The following CD22 variants were observed in gnomAD, a reference collection of about 807,000 sequenced individuals.
CD22 encodes the protein CD22 molecule, also known as B-cell receptor CD22.
In CD22, 51 loss-of-function variants were observed where a neutral mutation model predicts 94.7. The observed-to-expected ratio is 0.54, with a 90% confidence interval of 0.43 to 0.68. CD22 has a LOEUF of 0.68. CD22 is among the 30% of genes least tolerant of loss of function. The pLI is 0.00. For missense variants in CD22, 931 were observed against 1,060.4 expected (o/e 0.88, Z 1.69); for synonymous variants, 424 against 422.5 (o/e 1.00, Z -0.04).
rs1481597290 is a variant in CD22 at position 35,341,345 on chromosome 19, G to A, written c.1510G>A (p.Ala504Thr). Residue 504 changes from alanine (A) to threonine (T), a missense_variant and splice_region_variant, in exon 8 of 14, where the codon GCC becomes ACC. Ala to Thr is a moderately conservative substitution (Grantham distance 58, BLOSUM62 0). Coordinates refer to ENST00000085219, the MANE Select transcript of CD22 (RefSeq NM_001771.4). This position sits in a 1 kb window ranked among gnomAD's most constrained non-coding sequence, Gnocchi z 4.0. ...AGCTTGGGACCCTTGCCCTCCAGAT[G>A]CCCCCCGAGACGTGAGGGTCCGGAA... Reference protein sequence around the residue: ...ASPVALNVQYAPRDVRVRKIK... With the variant: ...ASPVALNVQYTPRDVRVRKIK... The A allele has an allele frequency of 3.7e-6, 6 of 1,612,710 alleles. No homozygotes were observed. The highest frequency in any genetic ancestry group is 5.1e-6 in the Non-Finnish European group (6 of 1,179,202).
chr19:35,338,924 C>T (rs1246715859), intron 6 of CD22, among the ~76,000 whole-genome samples: 1 of 151,134 alleles, frequency 6.6e-6, no homozygotes, highest in Non-Finnish European at 1.5e-5. Flanking sequence ...CCACCGCACC[C>T]GGCCTGTAGA....
Position 35,332,093 on chromosome 19 carries a change from G to A in CD22, c.34+19G>A. The A allele has an allele frequency of 6.2e-7, 1 of 1,613,994 alleles. No individual in the cohort carries two copies. Among genetic ancestry groups the A allele is most frequent in the Non-Finnish European group, 8.5e-7 (1 of 1,179,914 alleles). On this transcript the variant is annotated intron_variant, in intron 2 of 13. Transcript: ENST00000085219. ...CTCCTGGGTAAGGACTGTGGCCTGG[G>A]CTAGTACTGGGGTTCTGGGATGTCA...
At chr19:35,339,206 CT>C in intron 6 of CD22, among the ~76,000 whole-genome samples, 1 of 152,208 alleles carries the variant, frequency 6.6e-6, no homozygotes, top group African/African-American at 2.4e-5. Context: ...CTACTGCACT[CT>C]AGCCTGGGTG....
Position 35,346,786 on chromosome 19 carries a change from C to G in CD22, c.*89C>G. ...CCAGACACCGCCACATGGCTTCCTC[C>G]TGCGCGCATGTGCGCACACACACAC... On this transcript the variant is annotated 3_prime_UTR_variant, in exon 14 of 14. Transcript: ENST00000085219. The G allele has an allele frequency of 8.0e-7, 1 of 1,253,676 alleles. No homozygotes were observed. The highest frequency in any genetic ancestry group is 1.1e-6 in the Non-Finnish European group (1 of 904,224). 77.7% of individuals were successfully genotyped at this position (1,253,676 alleles called of 1,614,324 possible). A position where few individuals can be genotyped will look rare whatever the true frequency, so the allele number is the denominator to read the frequency against.
intron 3 of CD22, among the ~76,000 whole-genome samples, chr19:35,334,830 G>A (rs1001796599): frequency 6.6e-6 from 1 of 152,182 alleles, no homozygotes; most frequent in African/African-American, 2.4e-5. Flanking sequence ...TGTAATCCCA[G>A]AACTTTGGGA....
In CD22 at chr19:35,342,853, CAG is replaced by C. The variant is rs944665810; in HGVS notation, c.2035+889_2035+890del. Among the ~76,000 whole-genome samples, 13 of 152,282 alleles carry C rather than the reference CAG, an allele frequency of 8.5e-5. No homozygotes were observed. The East Asian group carries it at 2.5e-3, about 29-fold the overall frequency. Reference sequence around the variant, plus strand: ...TTAAACGGAGTCTCGATCTGTCACCCAGGCTGGAGTGCAGTGGCGTGATCACG... The same window carrying C: ...TTAAACGGAGTCTCGATCTGTCACCCGCTGGAGTGCAGTGGCGTGATCACG... On this transcript the variant is annotated intron_variant, in intron 9 of 13. Coordinates refer to ENST00000085219, the MANE Select transcript of CD22 (RefSeq NM_001771.4).
At chr19:35,339,708 T>C (rs1190068641) in intron 6 of CD22, among the ~76,000 whole-genome samples, 1 of 152,026 alleles carries the variant, frequency 6.6e-6, no homozygotes, top group Non-Finnish European at 1.5e-5. Context: ...ATACAAAAAA[T>C]TAGCCGGGCA....
At chr19:35,336,415 C>A in intron 4 of CD22, 74 bp downstream of exon 4, 1 of 1,441,044 alleles carries the variant, frequency 6.9e-7, no homozygotes, top group Non-Finnish European at 9.5e-7. Flanking sequence ...AGGGGGCATG[C>A]ACCCAGGGCA....
In CD22 at chr19:35,337,025, G is replaced by T. The variant is rs946822739; in HGVS notation, c.718+684G>T. 1.3e-5 allele frequency among the ~76,000 whole-genome samples: 2 copies of T among 152,106 alleles called. No individual in the cohort carries two copies. The highest frequency in any genetic ancestry group is 4.8e-5 in the African/African-American group (2 of 41,422). On this transcript the variant is annotated intron_variant, in intron 4 of 13. Transcript: ENST00000085219. This position sits in a 1 kb window ranked among gnomAD's most constrained non-coding sequence, Gnocchi z 4.4. ...AAGGCCGAGGCGGGGGGATCACAAG[G>T]TCAGGAGATCGAGACCATCCTGGCT...
intron 13 of CD22, 97 bp downstream of exon 13, chr19:35,346,332 T>C: frequency 8.4e-7 from 1 of 1,191,104 alleles, no homozygotes; most frequent in Non-Finnish European, 1.3e-6. Context: ...AGGAGTTGGG[T>C]AGGCATCCGT....
chr19:35,340,190 G>A (rs919224819), intron 6 of CD22, among the ~76,000 whole-genome samples: 2 of 152,206 alleles, frequency 1.3e-5, no homozygotes, highest in South Asian at 2.1e-4. Context: ...TTTGCCACAC[G>A]CCACACTCTG....
At chr19:35,329,382 CTG>C (rs1355667725) in intron 1 of CD22, 152 bp downstream of exon 1, 2 of 425,502 alleles carry the variant, frequency 4.7e-6, no homozygotes, top group African/African-American at 4.0e-5. Flanking sequence ...AGACAGACCC[CTG>C]TCTTGAGCAT....
chr19:35,335,976 C>G, intron 3 of CD22, 60 bp from the exon 4 acceptor site: 2 of 1,440,922 alleles, frequency 1.4e-6, no homozygotes, highest in Non-Finnish European at 1.9e-6. Flanking sequence ...CATCTAAAGC[C>G]AGGTGTACGC....
Position 35,346,824 on chromosome 19 carries a change from A to G in CD22, c.*127A>G, listed in dbSNP as rs1025674231. ...CGCACACACACACACACACGCACAC[A>G]CACACACACACACTCACTGCGGAGA... is the stretch of plus-strand genomic sequence containing the variant. On this transcript the variant is annotated 3_prime_UTR_variant, in exon 14 of 14. Coordinates refer to ENST00000085219, the MANE Select transcript of CD22 (RefSeq NM_001771.4). 72 of 837,234 alleles carry G rather than the reference A, an allele frequency of 8.6e-5. No homozygotes were observed. The highest frequency in any genetic ancestry group is 1.6e-4 in the East Asian group (6 of 36,446). 51.9% of individuals were successfully genotyped at this position (837,234 alleles called of 1,614,324 possible).
At position 35,337,998 on chromosome 19, in the gene CD22, A is replaced by G. The variant is rs1300901437; in HGVS notation, c.962A>G (p.Glu321Gly). Reference protein sequence around the residue: ...VSNDVGPGRSEEVFLQVQYAP... With the variant: ...VSNDVGPGRSGEVFLQVQYAP... ...AATGACGTGGGCCCGGGAAGGTCGG[A>G]AGAAGTGTTCCTGCAAGTGCAGTGT... The change falls in exon 5 of 14, where the codon GAA becomes GGA. Residue 321 changes from glutamate to glycine, a missense_variant. Coordinates refer to ENST00000085219, the MANE Select transcript of CD22 (RefSeq NM_001771.4). The surrounding 1 kb of genome is among the most constrained non-coding windows in gnomAD (Gnocchi z 4.4). The G allele has an allele frequency of 1.9e-5, 30 of 1,612,644 alleles. No homozygotes were observed. Among genetic ancestry groups the G allele is most frequent in the Non-Finnish European group, 2.5e-5 (30 of 1,179,216 alleles).
intron 6 of CD22, 116 bp from the exon 7 acceptor site, chr19:35,340,765 T>G: frequency 1.8e-6 from 2 of 1,111,342 alleles, no homozygotes; most frequent in Non-Finnish European, 1.3e-6. Flanking sequence ...CCCCCTTTGA[T>G]TAATTTAGGA....
intron 5 of CD22, 66 bp downstream of exon 5, chr19:35,338,087 G>A: frequency 6.4e-7 from 1 of 1,574,556 alleles, no homozygotes. Context: ...GGAGAGGGGA[G>A]CCACGGGGGC....
At position 35,337,010 on chromosome 19, in the gene CD22, C is replaced by T. The variant is rs1207314800; in HGVS notation, c.718+669C>T. On this transcript the variant is annotated intron_variant, in intron 4 of 13. Coordinates refer to ENST00000085219, the MANE Select transcript of CD22 (RefSeq NM_001771.4). This position sits in a 1 kb window ranked among gnomAD's most constrained non-coding sequence, Gnocchi z 4.4. ...ATCCTAGCACTTTGGAAGGCCGAGG[C>T]GGGGGGATCACAAGGTCAGGAGATC... is the stretch of plus-strand genomic sequence containing the variant. Among the ~76,000 whole-genome samples the T allele has an allele frequency of 1.3e-5, 2 of 151,918 alleles. No individual in the cohort carries two copies. The highest frequency in any genetic ancestry group is 2.4e-5 in the African/African-American group (1 of 41,350).
chr19:35,338,358 G>T lies in CD22; in HGVS notation c.1176G>T (p.Gly392=), dbSNP rs1186576658. The T allele has an allele frequency of 6.2e-7, 1 of 1,614,224 alleles. No homozygotes were observed. The highest frequency in any genetic ancestry group is 1.7e-5 in the Admixed American group (1 of 60,030). ...HIPKILPWHA[G]TYSCVAENIL... ...CAAAGATCCTCCCCTGGCACGCTGG[G>T]ACTTATTCCTGTGTGGCAGAAAACA... The change falls in exon 6 of 14, where the codon GGG becomes GGT. Residue 392 remains glycine (G), a synonymous_variant. Transcript: ENST00000085219.
Sources: allele counts gnomAD v4.1 joint callset (sites outside exome capture counted in the v4.1 genomes callset), GRCh38; gene constraint gnomAD v4.1.1; non-coding constraint Gnocchi (gnomAD v3.1); transcripts MANE v1.5; gene names NCBI Gene and HGNC (gene_info 2026-07-23, HGNC 2026-07-21).